The following SH3KBP1 variants were observed in gnomAD, a reference collection of about 807,000 sequenced individuals.
SH3KBP1 encodes the protein SH3 domain containing kinase binding protein 1.
Under a neutral mutation model 50.1 loss-of-function variants are expected in SH3KBP1, and 8 were observed. The ratio of observed to expected loss-of-function variants is 0.16; its 90% CI spans 0.09 to 0.29. SH3KBP1 has a LOEUF of 0.29. Among genes scored for constraint, SH3KBP1 ranks in the 10% least tolerant of loss-of-function variants. The pLI is 1.00. For missense variants in SH3KBP1, 377 were observed against 535.2 expected (o/e 0.70, Z 2.92); for synonymous variants, 227 against 218.6 (o/e 1.04, Z -0.34).
rs926686307 is a variant in SH3KBP1 at position 19,769,428 on chromosome X, A to T, written c.163-22987T>A. ...CTTATAATTTATTTTCATTGCAAATAGTCATGGCATAATTTTGCTCCTTTT... is the reference window on the plus strand; with the variant it reads ...CTTATAATTTATTTTCATTGCAAATTGTCATGGCATAATTTTGCTCCTTTT... On this transcript the variant is annotated intron_variant, in intron 2 of 17. Transcript: ENST00000397821. Among the ~76,000 whole-genome samples, 4 of 110,708 alleles carry T rather than the reference A, an allele frequency of 3.6e-5. No homozygotes were observed. In the East Asian group the frequency reaches 1.1e-3, roughly 31 times the overall value.
At position 19,734,864 on chromosome X, in the gene SH3KBP1, C is replaced by G. The variant is rs949826587; in HGVS notation, c.286+11454G>C. Among the ~76,000 whole-genome samples, 3 of 112,358 alleles carry G rather than the reference C, an allele frequency of 2.7e-5. No individual in the cohort carries two copies. In the Admixed American group the frequency reaches 2.8e-4, roughly 11 times the overall value. ...TATATGAGGACTTCATTCCTTCTTACGATACTCCATTTTGTGTATAGACCA... is the reference window on the plus strand; with the variant it reads ...TATATGAGGACTTCATTCCTTCTTAGGATACTCCATTTTGTGTATAGACCA... On this transcript the variant is annotated intron_variant, in intron 3 of 17. Coordinates refer to ENST00000397821, the MANE Select transcript of SH3KBP1 (RefSeq NM_031892.3).
chrX:19,616,276 C>T (rs1351979894), intron 8 of SH3KBP1, among the ~76,000 whole-genome samples: 1 of 111,952 alleles, frequency 8.9e-6, no homozygotes, highest in Non-Finnish European at 1.9e-5. Flanking sequence ...GTCACTCACT[C>T]TTTTGTAATA....
At chrX:19,874,497 A>G in intron 1 of SH3KBP1, among the ~76,000 whole-genome samples, 3 of 73,849 alleles carry the variant, frequency 4.1e-5, no homozygotes, top group African/African-American at 5.5e-5. Flanking sequence ...CAGGAGGGGG[A>G]AGAAGAAAGG....
intron 5 of SH3KBP1, among the ~76,000 whole-genome samples, chrX:19,691,841 T>C (rs1308737287): frequency 9.0e-6 from 1 of 111,522 alleles, no homozygotes; most frequent in East Asian, 2.8e-4. Flanking sequence ...CTGATGCATG[T>C]TAAAATATTT....
intron 12 of SH3KBP1, among the ~76,000 whole-genome samples, chrX:19,572,526 T>TCA (rs1233103706): frequency 9.4e-6 from 1 of 106,161 alleles, no homozygotes; most frequent in Non-Finnish European, 1.9e-5. Context: ...ATATATGTAC[T>TCA]CTCTCTCTCT....
chrX:19,850,700 C>T (rs1157274661), intron 1 of SH3KBP1, among the ~76,000 whole-genome samples: 1 of 111,197 alleles, frequency 9.0e-6, no homozygotes, highest in African/African-American at 3.3e-5. Flanking sequence ...CGTGCTGAAA[C>T]ATGACAGAAA....
chrX:19,654,236 C>A (rs1224318677), intron 6 of SH3KBP1, among the ~76,000 whole-genome samples: 1 of 111,482 alleles, frequency 9.0e-6, no homozygotes, highest in Non-Finnish European at 1.9e-5. Flanking sequence ...TTTTGAACAC[C>A]TCTAGAGACC....
In SH3KBP1 at chrX:19,659,464, A is replaced by G. The variant is rs1471478197; in HGVS notation, c.727-13989T>C. ...TTTTTTCTAGAGACAGGGTCTCACT[A>G]TGTTGCCCAGGCTGGTCACCAACTC... On this transcript the variant is annotated intron_variant, in intron 6 of 17. Transcript: ENST00000397821. Among the ~76,000 whole-genome samples, 17 of 109,927 alleles carry G rather than the reference A, an allele frequency of 1.5e-4. No individual in the cohort carries two copies. The Admixed American group carries it at 1.6e-3, about 11-fold the overall frequency.
At chrX:19,745,467 T>G (rs2064891402) in intron 3 of SH3KBP1, among the ~76,000 whole-genome samples, 1 of 112,130 alleles carries the variant, frequency 8.9e-6, no homozygotes, top group African/African-American at 3.2e-5. Flanking sequence ...TTATATAAAC[T>G]TGCCTTCTTT....
chrX:19,728,179 A>T (rs987540316), intron 3 of SH3KBP1, among the ~76,000 whole-genome samples: 1 of 110,168 alleles, frequency 9.1e-6, no homozygotes, highest in African/African-American at 3.3e-5. Context: ...TGGATTTCAG[A>T]TTTTTTTTTC....
intron 6 of SH3KBP1, among the ~76,000 whole-genome samples, chrX:19,681,844 G>T (rs900990216): frequency 3.6e-5 from 4 of 110,954 alleles, no homozygotes; most frequent in Non-Finnish European, 7.6e-5. Context: ...GTGAGCAGAT[G>T]AGTAGCATGA....
chrX:19,550,091 A>T lies in SH3KBP1; in HGVS notation c.1385-8T>A. On this transcript the variant is annotated splice_polypyrimidine_tract_variant and splice_region_variant and intron_variant, in intron 13 of 17. Transcript: ENST00000397821. ...AGTCAAAACCTTCTAAGTCTAAAAC[A>T]AAAGTAAAACAGTTTTAAGAGCCAA... 8.6e-7 allele frequency: 1 copy of T among 1,165,461 alleles called. No homozygotes were observed. The highest frequency in any genetic ancestry group is 1.8e-5 in the South Asian group (1 of 55,559).
At chrX:19,875,178 G>A (rs963825318) in intron 1 of SH3KBP1, among the ~76,000 whole-genome samples, 45 of 111,210 alleles carry the variant, frequency 4.0e-4, no homozygotes, top group African/African-American at 1.5e-3. Context: ...TTCCCCCATG[G>A]CATGCTATCA....
In SH3KBP1 at chrX:19,642,177, C is replaced by T. The variant is rs758200412; in HGVS notation, c.802+3223G>A. ...TTTAAAAAACTGTGCAATCTACAGC[C>T]TGATAAATCATAAATCATTTATACT... On this transcript the variant is annotated intron_variant, in intron 7 of 17. Transcript: ENST00000397821. 4.5e-5 allele frequency among the ~76,000 whole-genome samples: 5 copies of T among 111,812 alleles called. No individual in the cohort carries two copies. The South Asian group carries it at 1.9e-3, about 42-fold the overall frequency.
intron 11 of SH3KBP1, among the ~76,000 whole-genome samples, chrX:19,589,553 T>C (rs2066675979): frequency 9.0e-6 from 1 of 111,535 alleles, no homozygotes; most frequent in African/African-American, 3.3e-5. Flanking sequence ...GATATTAGAA[T>C]GAAGTTGAAG....
At chrX:19,538,376 T>A (rs1218940887) in intron 16 of SH3KBP1, among the ~76,000 whole-genome samples, 1 of 109,449 alleles carries the variant, frequency 9.1e-6, no homozygotes, top group Non-Finnish European at 1.9e-5. Context: ...GGCCAATTTT[T>A]AAAATTATTT....
chrX:19,560,686 T>A (rs996222987), intron 13 of SH3KBP1, among the ~76,000 whole-genome samples: 4 of 111,260 alleles, frequency 3.6e-5, no homozygotes, highest in Non-Finnish European at 5.7e-5. Flanking sequence ...ATGGTCAGCT[T>A]CAGTGGGATG....
intron 1 of SH3KBP1, among the ~76,000 whole-genome samples, chrX:19,879,115 C>T (rs760093512): frequency 6.0e-4 from 67 of 111,942 alleles, no homozygotes; most frequent in Non-Finnish European, 9.2e-4. Context: ...CGTGGTGGCA[C>T]GCACATGTAG....
chrX:19,696,020 T>G (rs1442641255), intron 4 of SH3KBP1, among the ~76,000 whole-genome samples: 4 of 112,080 alleles, frequency 3.6e-5, no homozygotes, highest in African/African-American at 1.3e-4. Context: ...GCTTTGGTTA[T>G]GAACGTAGGG....
Sources: allele counts gnomAD v4.1 joint callset (sites outside exome capture counted in the v4.1 genomes callset), GRCh38; gene constraint gnomAD v4.1.1; transcripts MANE v1.5; gene names NCBI Gene and HGNC (gene_info 2026-07-23, HGNC 2026-07-21).